The following ZDHHC14 variants were observed in gnomAD, a reference collection of about 807,000 sequenced individuals.
The protein encoded by ZDHHC14 is zDHHC palmitoyltransferase 14, also known as palmitoyltransferase ZDHHC14.
Under a neutral mutation model 47.7 loss-of-function variants are expected in ZDHHC14, and 16 were observed. The ratio of observed to expected loss-of-function variants is 0.34; its 90% confidence interval spans 0.23 to 0.51. The LOEUF (loss-of-function observed/expected upper bound fraction) is 0.51. Ranked by LOEUF, ZDHHC14 falls within the 20% of genes least tolerant of loss-of-function variation. The pLI is 0.97. For missense variants in ZDHHC14, 515 were observed against 662.5 expected (o/e 0.78, Z 2.44); for synonymous variants, 293 against 278.9 (o/e 1.05, Z -0.50).
intron 1 of ZDHHC14, among the ~76,000 whole-genome samples, chr6:157,484,312 T>C (rs904343479): frequency 8.9e-6 from 1 of 112,446 alleles, no homozygotes; most frequent in Non-Finnish European, 2.0e-5. Context: ...TATACATATA[T>C]ATACACATAT....
In ZDHHC14 at chr6:157,573,324, G is replaced by A. The variant is rs938290458; in HGVS notation, c.407-19664G>A. ...CCCAGAGCTGGAAAGCATCCACGCC[G>A]GTTCCATCTCATTCCATGGGACCAG... is the stretch of plus-strand genomic sequence containing the variant. On this transcript the variant is annotated intron_variant, in intron 2 of 8. Coordinates refer to ENST00000359775, the MANE Select transcript of ZDHHC14 (RefSeq NM_024630.3). 6.6e-5 allele frequency among the ~76,000 whole-genome samples: 10 copies of A among 152,090 alleles called. No homozygotes were observed. The South Asian group carries it at 8.3e-4, about 13-fold the overall frequency.
chr6:157,421,479 C>A (rs1778102343), intron 1 of ZDHHC14, among the ~76,000 whole-genome samples: 1 of 110,376 alleles, frequency 9.1e-6, no homozygotes, highest in African/African-American at 3.7e-5. Context: ...GGCTACAGAG[C>A]CAGACTCCGT....
chr6:157,562,775 A>G (rs1290913755), intron 2 of ZDHHC14, among the ~76,000 whole-genome samples: 1 of 152,156 alleles, frequency 6.6e-6, no homozygotes, highest in Non-Finnish European at 1.5e-5. Flanking sequence ...GGAGCGTTTT[A>G]TGTGTGTGAA....
chr6:157,593,290 C>A, intron 3 of ZDHHC14, 144 bp downstream of exon 3: 1 of 1,094,226 alleles, frequency 9.1e-7, no homozygotes, highest in South Asian at 1.7e-5. Context: ...TTCACCGGGC[C>A]TAGAGTCACC....
chr6:157,385,028 C>T (rs561423241), intron 1 of ZDHHC14, among the ~76,000 whole-genome samples: 16 of 152,300 alleles, frequency 1.1e-4, no homozygotes, highest in East Asian at 5.8e-4. Flanking sequence ...GTGATCCTCC[C>T]GCCTTGGCCT....
Position 157,648,360 on chromosome 6 carries a change from C to T in ZDHHC14, c.965+992C>T, listed in dbSNP as rs145207900. On this transcript the variant is annotated intron_variant, in intron 7 of 8. Transcript: ENST00000359775. ...GACCCACTGTGCACCCAGACCTTACCGATATGCGCTTGTGGAATGCAAACT... is the reference window on the plus strand; with the variant it reads ...GACCCACTGTGCACCCAGACCTTACTGATATGCGCTTGTGGAATGCAAACT... Among the ~76,000 whole-genome samples, 13 of 152,200 alleles carry T rather than the reference C, an allele frequency of 8.5e-5. No homozygotes were observed. In the East Asian group the frequency reaches 1.9e-3, roughly 23 times the overall value.
chr6:157,608,838 G>A (rs1260799502), intron 3 of ZDHHC14, among the ~76,000 whole-genome samples: 1 of 152,216 alleles, frequency 6.6e-6, no homozygotes, highest in Non-Finnish European at 1.5e-5. Context: ...GACGAGAGGG[G>A]GGGCTGTCCC....
chr6:157,423,204 C>T (rs1183502470), intron 1 of ZDHHC14, among the ~76,000 whole-genome samples: 2 of 152,142 alleles, frequency 1.3e-5, no homozygotes, highest in Non-Finnish European at 2.9e-5. Context: ...TGACTTTAGG[C>T]CTTAATTTTC....
intron 1 of ZDHHC14, among the ~76,000 whole-genome samples, chr6:157,542,155 GGCT>G (rs1781788870): frequency 6.6e-6 from 1 of 152,184 alleles, no homozygotes; most frequent in Admixed American, 6.5e-5. Flanking sequence ...GGGAAAGGCT[GGCT>G]CTCATGAAGA....
At chr6:157,602,931 A>C (rs1360019644) in intron 3 of ZDHHC14, among the ~76,000 whole-genome samples, 1 of 152,186 alleles carries the variant, frequency 6.6e-6, no homozygotes, top group Non-Finnish European at 1.5e-5. Context: ...AAAATCAATC[A>C]AACAATCTAA....
At chr6:157,469,001 G>T (rs1258259418) in intron 1 of ZDHHC14, among the ~76,000 whole-genome samples, 1 of 152,200 alleles carries the variant, frequency 6.6e-6, no homozygotes, top group African/African-American at 2.4e-5. Context: ...ATATTTCTGG[G>T]AGGGAAGAGG....
At chr6:157,550,481 A>G (rs1455741132) in intron 2 of ZDHHC14, among the ~76,000 whole-genome samples, 1 of 151,278 alleles carries the variant, frequency 6.6e-6, no homozygotes, top group Non-Finnish European at 1.5e-5. Context: ...TAGAGAGACC[A>G]CAGCGTCACA....
At chr6:157,652,737 G>A (rs1412250022) in intron 7 of ZDHHC14, among the ~76,000 whole-genome samples, 1 of 152,218 alleles carries the variant, frequency 6.6e-6, no homozygotes, top group African/African-American at 2.4e-5. Flanking sequence ...TATTGAGACG[G>A]CCTGCCGGTC....
At position 157,593,112 on chromosome 6, in the gene ZDHHC14, C is replaced by G. The variant is rs746864382; in HGVS notation, c.531C>G (p.Arg177=). 1.2e-6 allele frequency: 2 copies of G among 1,613,968 alleles called. No homozygotes were observed. Among genetic ancestry groups the G allele is most frequent in the Non-Finnish European group, 1.7e-6 (2 of 1,179,874 alleles). ...CCTGCAAGATTTTCCGGCCCCCTCG[C>G]GCCTCCCATTGCAGCCTTTGTGATA... ...CFTCKIFRPP[R]ASHCSLCDNC... is the part of the protein sequence containing the mutation. Residue 177 remains arginine, a synonymous_variant, in exon 3 of 9, where the codon CGC becomes CGG. Coordinates refer to ENST00000359775, the MANE Select transcript of ZDHHC14 (RefSeq NM_024630.3).
At chr6:157,668,099 G>A (rs1778631231) in intron 8 of ZDHHC14, among the ~76,000 whole-genome samples, 1 of 152,188 alleles carries the variant, frequency 6.6e-6, no homozygotes, top group Admixed American at 6.5e-5. Context: ...TTTCAAAGCT[G>A]TGAACTACAC....
intron 1 of ZDHHC14, among the ~76,000 whole-genome samples, chr6:157,524,598 T>G (rs750054637): frequency 6.6e-6 from 1 of 152,244 alleles, no homozygotes; most frequent in Non-Finnish European, 1.5e-5. Context: ...GGTCATTGTT[T>G]CTGTAAAACT....
intron 7 of ZDHHC14, among the ~76,000 whole-genome samples, chr6:157,649,636 A>C (rs1777726195): frequency 6.6e-6 from 1 of 152,108 alleles, no homozygotes; most frequent in Non-Finnish European, 1.5e-5. Flanking sequence ...TGGGTTCTTA[A>C]ATGGTGCTGT....
At chr6:157,645,652 C>T (rs1425512621) in intron 5 of ZDHHC14, 85 bp from the exon 6 acceptor site, 2 of 1,043,404 alleles carry the variant, frequency 1.9e-6, no homozygotes, top group Non-Finnish European at 2.9e-6. Context: ...AGGCCTGTGC[C>T]CGGGGGTGTT....
chr6:157,672,646 CCTGT>C, intron 8 of ZDHHC14, 74 bp from the exon 9 acceptor site: 1 of 616,034 alleles, frequency 1.6e-6, no homozygotes, highest in Non-Finnish European at 2.6e-6. Flanking sequence ...CCGCCCGTGC[CCTGT>C]CCCCATCCCT....
Sources: allele counts gnomAD v4.1 joint callset (sites outside exome capture counted in the v4.1 genomes callset), GRCh38; gene constraint gnomAD v4.1.1; transcripts MANE v1.5; gene names NCBI Gene and HGNC (gene_info 2026-07-23, HGNC 2026-07-21).